Variants in STXBP6 observed in about 807,000 individuals in gnomAD.
STXBP6 encodes the protein syntaxin binding protein 6.
STXBP6 carries 21 observed loss-of-function variants against 26.9 expected under a neutral mutation model. That is an observed-to-expected ratio of 0.78 (90% CI 0.55 to 1.12). The LOEUF is 1.12. STXBP6 is among the 50% of genes most tolerant of loss of function. The pLI is 0.00. For synonymous variants in STXBP6, 97 were observed against 92.6 expected (o/e 1.05, Z -0.27); for missense variants, 232 against 257.9 (o/e 0.90, Z 0.69).
intron 2 of STXBP6, among the ~76,000 whole-genome samples, chr14:24,869,644 G>A (rs958485535): frequency 7.2e-5 from 11 of 152,108 alleles, no homozygotes; most frequent in African/African-American, 2.2e-4. Context: ...GGGATAAACC[G>A]TTTTAAGGAG....
At chr14:24,943,357 CAGA>C (rs1239474379) in intron 2 of STXBP6, among the ~76,000 whole-genome samples, 1 of 152,136 alleles carries the variant, frequency 6.6e-6, no homozygotes, top group Non-Finnish European at 1.5e-5. Flanking sequence ...GCAGGTAAGG[CAGA>C]AGAACAGAGG....
chr14:24,843,163 AG>A (rs2068837691), intron 4 of STXBP6, among the ~76,000 whole-genome samples: 1 of 152,176 alleles, frequency 6.6e-6, no homozygotes, highest in South Asian at 2.1e-4. Context: ...CCTGTAAAGC[AG>A]GAATAACGAT....
intron 2 of STXBP6, among the ~76,000 whole-genome samples, chr14:24,921,049 C>A (rs2071960046): frequency 6.6e-6 from 1 of 152,092 alleles, no homozygotes; most frequent in Non-Finnish European, 1.5e-5. Context: ...GATCAGAGAC[C>A]TAGTTTAAAA....
At chr14:25,011,637 A>C (rs1252173575) in intron 1 of STXBP6, among the ~76,000 whole-genome samples, 1 of 152,188 alleles carries the variant, frequency 6.6e-6, no homozygotes, top group Non-Finnish European at 1.5e-5. Flanking sequence ...TTAAGTAGCC[A>C]TTTTTAGAGA....
chr14:24,952,751 A>G (rs1288769423), intron 2 of STXBP6, among the ~76,000 whole-genome samples: 2 of 152,150 alleles, frequency 1.3e-5, no homozygotes, highest in Non-Finnish European at 2.9e-5. Flanking sequence ...TTAGGGAAAA[A>G]AGGTACGTTG....
At chr14:24,888,970 C>A (rs865923932) in intron 2 of STXBP6, among the ~76,000 whole-genome samples, 2 of 152,098 alleles carry the variant, frequency 1.3e-5, no homozygotes, top group African/African-American at 4.8e-5. Context: ...AGGACCCTGG[C>A]AGCCAGACCA....
At chr14:25,015,139 G>A (rs2075119268) in intron 1 of STXBP6, among the ~76,000 whole-genome samples, 1 of 152,120 alleles carries the variant, frequency 6.6e-6, no homozygotes, top group African/African-American at 2.4e-5. Context: ...TCTAAAAGCA[G>A]TATGAGAACA....
chr14:24,836,606 CAAAAA>C (rs71449215), intron 4 of STXBP6, among the ~76,000 whole-genome samples: 3 of 44,314 alleles, frequency 6.8e-5, no homozygotes, highest in African/African-American at 3.1e-4. Context: ...GACTCCCTCT[CAAAAA>C]AAAAAAAAAA....
At chr14:24,897,581 G>A (rs145274590) in intron 2 of STXBP6, among the ~76,000 whole-genome samples, 1 of 152,188 alleles carries the variant, frequency 6.6e-6, no homozygotes, top group African/African-American at 2.4e-5. Flanking sequence ...AACCCCACCT[G>A]GAGATGTTAC....
At chr14:24,882,049 C>T (rs540058051) in intron 2 of STXBP6, among the ~76,000 whole-genome samples, 1 of 152,204 alleles carries the variant, frequency 6.6e-6, no homozygotes, top group East Asian at 1.9e-4. Flanking sequence ...CTGAACTGCC[C>T]ATCAATGCCT....
intron 1 of STXBP6, among the ~76,000 whole-genome samples, chr14:25,028,115 G>A (rs541735480): frequency 2.6e-5 from 4 of 152,300 alleles, no homozygotes; most frequent in Admixed American, 6.5e-5. Context: ...CAAGTTATGC[G>A]GATGATCTAG....
chr14:25,035,340 TG>T (rs781120040), intron 1 of STXBP6, among the ~76,000 whole-genome samples: 1 of 152,174 alleles, frequency 6.6e-6, no homozygotes, highest in Non-Finnish European at 1.5e-5. Flanking sequence ...AATAAGGATG[TG>T]GGCGGTCCTT....
chr14:24,937,904 G>C (rs1421249843), intron 2 of STXBP6, among the ~76,000 whole-genome samples: 1 of 152,110 alleles, frequency 6.6e-6, no homozygotes, highest in Non-Finnish European at 1.5e-5. Flanking sequence ...CAGTATTCTG[G>C]GTTTTATGGG....
At chr14:24,918,398 T>C (rs1246451420) in intron 2 of STXBP6, among the ~76,000 whole-genome samples, 1 of 149,314 alleles carries the variant, frequency 6.7e-6, no homozygotes. Flanking sequence ...AAGGAGCTCA[T>C]TAAAACGTTT....
intron 1 of STXBP6, among the ~76,000 whole-genome samples, chr14:25,042,757 C>A (rs549377710): frequency 6.6e-6 from 1 of 152,326 alleles, no homozygotes; most frequent in South Asian, 2.1e-4. Flanking sequence ...CCCAGACCTA[C>A]TGAATCAGAA....
At chr14:25,006,220 C>T (rs967032286) in intron 1 of STXBP6, among the ~76,000 whole-genome samples, 2 of 152,184 alleles carry the variant, frequency 1.3e-5, no homozygotes, top group African/African-American at 4.8e-5. Context: ...GTGGTCACCC[C>T]TTTGCTGGAA....
intron 2 of STXBP6, among the ~76,000 whole-genome samples, chr14:24,912,140 T>G (rs2071597340): frequency 6.6e-6 from 1 of 152,214 alleles, no homozygotes. Context: ...TAACTCTATT[T>G]TTCTATGTAC....
chr14:24,982,143 C>T (rs768735966), intron 1 of STXBP6, among the ~76,000 whole-genome samples: 14 of 152,144 alleles, frequency 9.2e-5, no homozygotes, highest in East Asian at 1.9e-4. Context: ...TTGAAAATTG[C>T]GGTTTTAAGG....
chr14:24,865,696 T>C (rs151270039), intron 2 of STXBP6, among the ~76,000 whole-genome samples: 52 of 152,220 alleles, frequency 3.4e-4, no homozygotes, highest in Middle Eastern at 6.8e-3. Flanking sequence ...AGAATACAGA[T>C]AAAAGTCCTG....
Sources: allele counts gnomAD v4.1 joint callset (sites outside exome capture counted in the v4.1 genomes callset), GRCh38; gene constraint gnomAD v4.1.1; transcripts MANE v1.5; gene names NCBI Gene and HGNC (gene_info 2026-07-23, HGNC 2026-07-21).